BCR: variants seen among roughly 807,000 people sequenced by gnomAD.
BCR encodes the protein BCR activator of RhoGEF and GTPase.
Under a neutral mutation model 138.6 loss-of-function variants are expected in BCR, and 58 were observed. The ratio of observed to expected loss-of-function variants is 0.42; its 90% CI spans 0.34 to 0.52. The LOEUF is 0.52. Among genes scored for constraint, BCR ranks in the 20% least tolerant of loss-of-function variants. The probability of loss-of-function intolerance (pLI) is 0.06; values close to 1 mark genes in which losing one functional copy is unlikely to be tolerated. For synonymous variants in BCR, 786 were observed against 730.1 expected (o/e 1.08, Z -1.23); for missense variants, 1,599 against 1,727.2 (o/e 0.93, Z 1.32).
chr22:23,260,822 T>C (rs967471461), intron 2 of BCR, 128 bp from the exon 3 acceptor site: 41 of 854,956 alleles, frequency 4.8e-5, no homozygotes, highest in Non-Finnish European at 7.5e-5. Context: ...TTTAATTCCA[T>C]GTGGAGCCTT....
chr22:23,199,491 C>T (rs1303378705), intron 1 of BCR: 3 of 374,862 alleles, frequency 8.0e-6, no homozygotes, highest in Non-Finnish European at 1.6e-5. Flanking sequence ...CCTCAGGAAG[C>T]TTGAGGCTTC....
chr22:23,208,232 G>C (rs1045018230), intron 1 of BCR, among the ~76,000 whole-genome samples: 9 of 152,146 alleles, frequency 5.9e-5, no homozygotes, highest in African/African-American at 1.9e-4. Context: ...AACCCACCCG[G>C]CTGGCAGTGC....
At chr22:23,297,064 A>T (rs2073852512) in intron 16 of BCR, among the ~76,000 whole-genome samples, 1 of 152,048 alleles carries the variant, frequency 6.6e-6, no homozygotes, top group Admixed American at 6.6e-5. Context: ...TTGAGGCAGT[A>T]TCTGGCTGTG....
At chr22:23,254,992 G>C (rs967127354) in intron 2 of BCR, among the ~76,000 whole-genome samples, 4 of 152,032 alleles carry the variant, frequency 2.6e-5, no homozygotes, top group African/African-American at 9.7e-5. Context: ...TCTCACCACT[G>C]CACTCCAGCC....
intron 5 of BCR, 93 bp downstream of exon 5, chr22:23,268,608 C>T: frequency 9.0e-7 from 1 of 1,109,984 alleles, no homozygotes; most frequent in South Asian, 1.4e-5. Flanking sequence ...AGATCAAGAT[C>T]TGGTCGTGAA....
chr22:23,299,212 C>G (rs1198515939), intron 16 of BCR, among the ~76,000 whole-genome samples: 1 of 151,906 alleles, frequency 6.6e-6, no homozygotes, highest in Non-Finnish European at 1.5e-5. Context: ...TCTCGATCTC[C>G]TGACCTCATG....
At chr22:23,236,360 C>T (rs2073023794) in intron 1 of BCR, among the ~76,000 whole-genome samples, 1 of 152,230 alleles carries the variant, frequency 6.6e-6, no homozygotes, top group South Asian at 2.1e-4. Context: ...TTTGTCTGCA[C>T]TGCTGCTGTG....
At chr22:23,264,248 G>T (rs763964492) in intron 4 of BCR, 1 of 968,050 alleles carries the variant, frequency 1.0e-6, no homozygotes, top group Admixed American at 1.7e-5. Flanking sequence ...ACACCTTCCC[G>T]CTGACGTCGA....
At chr22:23,290,679 T>C in intron 14 of BCR, 2 of 477,202 alleles carry the variant, frequency 4.2e-6, no homozygotes, top group East Asian at 3.8e-5. Flanking sequence ...GATCGAGTAA[T>C]TGCAGGGGTT....
At chr22:23,205,765 G>T (rs1041173125) in intron 1 of BCR, among the ~76,000 whole-genome samples, 3 of 151,950 alleles carry the variant, frequency 2.0e-5, no homozygotes, top group African/African-American at 7.3e-5. Context: ...CTACTTTGTG[G>T]ATACTTACAT....
chr22:23,315,508 T>C lies in BCR; in HGVS notation c.3802T>C (p.Ser1268Pro). 6.2e-7 allele frequency: 1 copy of C among 1,612,342 alleles called. No individual in the cohort carries two copies. The highest frequency in any genetic ancestry group is 1.1e-5 in the South Asian group (1 of 91,010). The change falls in exon 23 of 23, where the codon TCC becomes CCC. Residue 1268 changes from serine to proline, a missense_variant. Transcript: ENST00000305877. ...CAGCAAGAGACAGAGCATCCTGTTC[T>C]CCACCGAAGTCTAAAGGTCCCAGTC... is the stretch of plus-strand genomic sequence containing the variant. ...PDSKRQSILFSTEV is the reference protein window; with the variant it reads ...PDSKRQSILFPTEV
At chr22:23,315,054 T>C (rs754676602) in intron 22 of BCR, among the ~76,000 whole-genome samples, 112 of 152,206 alleles carry the variant, frequency 7.4e-4, no homozygotes, top group Non-Finnish European at 1.1e-3. Flanking sequence ...ACCCCATCTC[T>C]AGAAAAAATA....
rs1324138361 is a variant in BCR, at chr22:23,313,246, A to G, written c.3457+225A>G. Among the ~76,000 whole-genome samples, 6 of 150,444 alleles carry G rather than the reference A, an allele frequency of 4.0e-5. 1 individual carries two copies. The highest frequency in any genetic ancestry group is 1.5e-4 in the African/African-American group (6 of 40,784). ...GTCCCTACTCCTCAAGGAGACCAAG[A>G]GGCTGAAATAGTCAGCACTGCTGTG... is the stretch of plus-strand genomic sequence containing the variant. On this transcript the variant is annotated intron_variant, in intron 20 of 22. Transcript: ENST00000305877.
intron 1 of BCR, chr22:23,242,956 GT>G (rs1274075879): frequency 4.4e-6 from 2 of 450,274 alleles, no homozygotes; most frequent in Non-Finnish European, 8.9e-6. Context: ...CATCTCTCCA[GT>G]CCCTGCCTCC....
At chr22:23,230,052 C>CTTTTTTTTTTTTTTTT (rs3054871) in intron 1 of BCR, among the ~76,000 whole-genome samples, 1 of 145,944 alleles carries the variant, frequency 6.9e-6, no homozygotes, top group African/African-American at 2.5e-5. Flanking sequence ...CTGTTTGGTT[C>CTTTTTTTTTTTTTTTT]TTTTTTTTTT....
chr22:23,303,678 A>C (rs528392675), intron 16 of BCR, among the ~76,000 whole-genome samples: 2 of 152,272 alleles, frequency 1.3e-5, no homozygotes, highest in Non-Finnish European at 2.9e-5. Context: ...TGAAAATGTA[A>C]GATCACATGA....
chr22:23,298,429 G>A (rs375288568), intron 16 of BCR, among the ~76,000 whole-genome samples: 2 of 152,268 alleles, frequency 1.3e-5, no homozygotes, highest in East Asian at 3.9e-4. Flanking sequence ...GATGAGTTCC[G>A]TCAAGGAGAG....
In BCR at chr22:23,293,235, G is replaced by A. The variant is rs2073809507; in HGVS notation, c.2880+597G>A. Among the ~76,000 whole-genome samples, 3 of 152,196 alleles carry A rather than the reference G, an allele frequency of 2.0e-5. No homozygotes were observed. The South Asian group carries it at 6.2e-4, about 32-fold the overall frequency. On this transcript the variant is annotated intron_variant, in intron 15 of 22. Coordinates refer to ENST00000305877, the MANE Select transcript of BCR (RefSeq NM_004327.4). The stretch of plus-strand genomic sequence containing the variant: ...TGAGAGGTGCCATTTCCCAGCTTCT[G>A]CAGCAGCTGTGACCTCGAAGGTCTC...
intron 1 of BCR, among the ~76,000 whole-genome samples, chr22:23,236,463 A>G (rs1333630944): frequency 6.6e-6 from 1 of 152,178 alleles, no homozygotes; most frequent in Admixed American, 6.5e-5. Context: ...CAACTTTCTG[A>G]ACATCCCAGG....
Sources: gnomAD v4.1 joint callset for allele counts (sites outside exome capture counted in the v4.1 genomes callset) on GRCh38, gnomAD v4.1.1 for gene constraint, MANE v1.5 for transcripts, NCBI Gene and HGNC (gene_info 2026-07-23, HGNC 2026-07-21) for gene names.